NCK2: variants seen among roughly 807,000 people sequenced by gnomAD.
The protein encoded by NCK2 is NCK adaptor protein 2, also known as cytoplasmic protein NCK2.
NCK2 carries 16 observed loss-of-function variants against 33.9 expected under a neutral mutation model. That is an observed-to-expected ratio of 0.47 (90% CI 0.32 to 0.72). NCK2 has a LOEUF of 0.72. Ranked by LOEUF, NCK2 falls within the 30% of genes least tolerant of loss-of-function variation. The pLI is 0.03. For missense variants in NCK2, 418 were observed against 537.3 expected (o/e 0.78, Z 2.19); for synonymous variants, 273 against 239.9 (o/e 1.14, Z -1.27).
chr2:105,837,436 G>A (rs978238050), intron 2 of NCK2, among the ~76,000 whole-genome samples: 3 of 152,084 alleles, frequency 2.0e-5, no homozygotes, highest in Admixed American at 6.6e-5. Flanking sequence ...TGATTGTGTG[G>A]GGAGTGGTGA....
At chr2:105,768,402 A>C (rs1363609591) in intron 1 of NCK2, among the ~76,000 whole-genome samples, 3 of 152,150 alleles carry the variant, frequency 2.0e-5, no homozygotes, top group Non-Finnish European at 4.4e-5. Flanking sequence ...ACAAGTTTTG[A>C]GGGCTAAGTC....
At chr2:105,749,392 G>A (rs1218814814) in intron 1 of NCK2, among the ~76,000 whole-genome samples, 1 of 152,238 alleles carries the variant, frequency 6.6e-6, no homozygotes, top group East Asian at 1.9e-4. Flanking sequence ...CATGATGAGA[G>A]AATGACATGT....
chr2:105,794,213 A>G (rs1193629095), intron 1 of NCK2, among the ~76,000 whole-genome samples: 1 of 151,880 alleles, frequency 6.6e-6, no homozygotes, highest in East Asian at 1.9e-4. Flanking sequence ...CACGCTGGCT[A>G]ATTTTTGTGT....
intron 1 of NCK2, among the ~76,000 whole-genome samples, chr2:105,790,370 C>T (rs928949595): frequency 3.9e-5 from 6 of 152,254 alleles, no homozygotes; most frequent in African/African-American, 4.8e-5. Flanking sequence ...CTTCTCAATG[C>T]CATAGGCTGG....
intron 1 of NCK2, among the ~76,000 whole-genome samples, chr2:105,768,951 C>T (rs1484987087): frequency 1.3e-5 from 2 of 152,192 alleles, no homozygotes; most frequent in South Asian, 2.1e-4. Flanking sequence ...TTTTGCAGCC[C>T]AGTCTCCTGG....
chr2:105,791,360 C>T (rs528830422), intron 1 of NCK2, among the ~76,000 whole-genome samples: 2 of 152,274 alleles, frequency 1.3e-5, no homozygotes, highest in East Asian at 3.9e-4. Context: ...CTCTTCACTC[C>T]AGAAGAAGAG....
chr2:105,752,084 G>A (rs1370157978), intron 1 of NCK2, among the ~76,000 whole-genome samples: 4 of 152,076 alleles, frequency 2.6e-5, no homozygotes, highest in African/African-American at 4.8e-5. Flanking sequence ...TAGTATATAC[G>A]TTTACTGCAC....
At chr2:105,780,684 G>A (rs1690463751) in intron 1 of NCK2, among the ~76,000 whole-genome samples, 1 of 152,136 alleles carries the variant, frequency 6.6e-6, no homozygotes, top group East Asian at 1.9e-4. Flanking sequence ...ATTTGGAGGT[G>A]GGGCCTTTGG....
chr2:105,823,876 G>A (rs1346022857), intron 2 of NCK2, among the ~76,000 whole-genome samples: 1 of 152,054 alleles, frequency 6.6e-6, no homozygotes, highest in Non-Finnish European at 1.5e-5. Flanking sequence ...ATCTGCTCTG[G>A]CTGTTTCGTG....
chr2:105,813,425 G>C (rs1037978038), intron 1 of NCK2, among the ~76,000 whole-genome samples: 4 of 152,232 alleles, frequency 2.6e-5, no homozygotes, highest in African/African-American at 9.6e-5. Context: ...GCCTTGGGCT[G>C]TCATCAGAAC....
At chr2:105,759,268 C>T (rs183766597) in intron 1 of NCK2, among the ~76,000 whole-genome samples, 53 of 152,242 alleles carry the variant, frequency 3.5e-4, no homozygotes, top group African/African-American at 1.2e-3. Context: ...TTTACGTATT[C>T]AAGTACACAT....
chr2:105,825,771 G>C (rs1421626874), intron 2 of NCK2, among the ~76,000 whole-genome samples: 1 of 152,230 alleles, frequency 6.6e-6, no homozygotes, highest in Non-Finnish European at 1.5e-5. Context: ...ACAGAAGGCA[G>C]TAAATATACA....
At chr2:105,773,370 T>A (rs974139506) in intron 1 of NCK2, among the ~76,000 whole-genome samples, 4 of 152,058 alleles carry the variant, frequency 2.6e-5, no homozygotes, top group African/African-American at 7.2e-5. Context: ...CTGGTACACG[T>A]GCCGGCCTCC....
At chr2:105,836,635 G>A (rs1355904704) in intron 2 of NCK2, among the ~76,000 whole-genome samples, 1 of 152,190 alleles carries the variant, frequency 6.6e-6, no homozygotes, top group Non-Finnish European at 1.5e-5. Context: ...CCTTCCTTCT[G>A]TGCTGGACCA....
At chr2:105,867,288 A>G (rs1014691770) in intron 3 of NCK2, among the ~76,000 whole-genome samples, 1 of 152,214 alleles carries the variant, frequency 6.6e-6, no homozygotes, top group African/African-American at 2.4e-5. Flanking sequence ...TGTATAATTT[A>G]CCATTGTATG....
chr2:105,786,951 G>A (rs1690700762), intron 1 of NCK2, among the ~76,000 whole-genome samples: 1 of 152,256 alleles, frequency 6.6e-6, no homozygotes. Context: ...CAGGGGACCT[G>A]CGAAACTTCA....
rs1676367266 is a variant in NCK2, at chr2:105,835,393, A to ATATATATGTGTG, written c.-17+18787_-17+18788insGTGTGTATATAT. On this transcript the variant is annotated intron_variant, in intron 2 of 4. Coordinates refer to ENST00000233154, the MANE Select transcript of NCK2 (RefSeq NM_003581.5). ...TATATATACATATATATACACATAT[A>ATATATATGTGTG]TATATATATATACGTGTATATATAT... is the stretch of plus-strand genomic sequence containing the variant. Among the ~76,000 whole-genome samples, 275 of 51,674 alleles carry ATATATATGTGTG rather than the reference A, an allele frequency of 5.3e-3. 28 individuals carry two copies. Among genetic ancestry groups the ATATATATGTGTG allele is most frequent in the African/African-American group, 0.018 (263 of 14,648 alleles). 33.9% of individuals were successfully genotyped at this position (51,674 alleles called of 152,430 possible). A position where few individuals can be genotyped will look rare whatever the true frequency, so the allele number is the denominator to read the frequency against.
At chr2:105,883,543 A>G (rs1409243988) in intron 4 of NCK2, among the ~76,000 whole-genome samples, 1 of 152,178 alleles carries the variant, frequency 6.6e-6, no homozygotes, top group South Asian at 2.1e-4. Flanking sequence ...TGGGGAAAAG[A>G]GGAAAGACTT....
chr2:105,875,238 GC>G (rs1469347365), intron 3 of NCK2, among the ~76,000 whole-genome samples: 1 of 152,142 alleles, frequency 6.6e-6, no homozygotes. Flanking sequence ...TCAGGCAAAT[GC>G]TCAGCCTCTC....
Sources: allele counts gnomAD v4.1 joint callset (sites outside exome capture counted in the v4.1 genomes callset), GRCh38; gene constraint gnomAD v4.1.1; transcripts MANE v1.5; gene names NCBI Gene and HGNC (gene_info 2026-07-23, HGNC 2026-07-21).